Variants in AP1B1 observed in about 807,000 individuals in gnomAD.
The protein encoded by AP1B1 is adaptor related protein complex 1 subunit beta 1.
AP1B1 carries 36 observed loss-of-function variants against 104.3 expected under a neutral mutation model. That is an observed-to-expected ratio of 0.35 (90% CI 0.26 to 0.46). The LOEUF (loss-of-function observed/expected upper bound fraction) is 0.46. Ranked by LOEUF, AP1B1 falls within the 20% of genes least tolerant of loss-of-function variation. AP1B1 has a pLI of 1.00. For missense variants in AP1B1, 901 were observed against 1,247.9 expected (o/e 0.72, Z 4.19); for synonymous variants, 504 against 517.5 (o/e 0.97, Z 0.35).
intron 21 of AP1B1, 177 bp downstream of exon 21, chr22:29,330,201 T>C: frequency 6.9e-7 from 1 of 1,459,378 alleles, no homozygotes. Flanking sequence ...CTTATCTGGG[T>C]AACCTGACGG....
chr22:29,367,830 G>A (rs2062168513), intron 1 of AP1B1, among the ~76,000 whole-genome samples: 1 of 152,190 alleles, frequency 6.6e-6, no homozygotes, highest in Non-Finnish European at 1.5e-5. Context: ...AGGCTAGGGA[G>A]ACTTCTTCTC....
intron 1 of AP1B1, chr22:29,370,567 A>C (rs958150155): frequency 6.6e-6 from 1 of 152,204 alleles, no homozygotes; most frequent in African/African-American, 2.4e-5. Flanking sequence ...CAGAAGAAAA[A>C]GCCGTCAGAG....
At position 29,328,552 on chromosome 22, in the gene AP1B1, T is replaced by C. The variant is rs2061510288; in HGVS notation, c.*269A>G. On this transcript the variant is annotated 3_prime_UTR_variant, in exon 23 of 23. Coordinates refer to ENST00000357586, the MANE Select transcript of AP1B1 (RefSeq NM_001127.4). The surrounding 1 kb of genome is among the most constrained non-coding windows in gnomAD (Gnocchi z 4.1). ...ACAGCTTCTGTGGCTGCTCTGGCTC[T>C]GTTTCCTTTGGTCCCCACCTCACTT... 2.3e-6 allele frequency: 1 copy of C among 432,066 alleles called. No individual in the cohort carries two copies. Among genetic ancestry groups the C allele is most frequent in the Admixed American group, 3.7e-5 (1 of 26,896 alleles). The allele number at this position is 432,066 out of a possible 1,614,324, so 26.8% of individuals were successfully genotyped here.
intron 20 of AP1B1, 35 bp downstream of exon 20, chr22:29,330,588 G>C (rs1307358838): frequency 6.2e-7 from 1 of 1,613,422 alleles, no homozygotes; most frequent in Non-Finnish European, 8.5e-7. Flanking sequence ...CTGGGTACAG[G>C]CGAGGGGCTG....
At chr22:29,344,110 C>CAAA (rs58337637) in intron 11 of AP1B1, among the ~76,000 whole-genome samples, 4 of 89,754 alleles carry the variant, frequency 4.5e-5, no homozygotes, top group African/African-American at 1.2e-4. Context: ...GACTTTGTCT[C>CAAA]AAAAAAAAAA....
chr22:29,330,633 G>C lies in AP1B1; in HGVS notation c.2601C>G (p.Pro867=), dbSNP rs1410321617. ...GCTCGGAGTCCTCACCTGCATTGAG[G>C]GGGCAGTCTCTGATCTGGAACTGGG... is the stretch of plus-strand genomic sequence containing the variant. ...NEAQFQIRDC[P]LNAEAASSKL... is the part of the protein sequence containing the mutation. The change falls in exon 20 of 23, where the codon CCC becomes CCG. Residue 867 remains proline (P), a synonymous_variant. Coordinates refer to ENST00000357586, the MANE Select transcript of AP1B1 (RefSeq NM_001127.4). 6.2e-7 allele frequency: 1 copy of C among 1,613,920 alleles called. No homozygotes were observed. The highest frequency in any genetic ancestry group is 8.5e-7 in the Non-Finnish European group (1 of 1,180,006).
intron 17 of AP1B1, 81 bp downstream of exon 17, chr22:29,334,184 T>C: frequency 1.1e-6 from 1 of 883,368 alleles, no homozygotes; most frequent in Non-Finnish European, 1.6e-6. Flanking sequence ...CACCCCTGCC[T>C]GCAGTCCCCA....
At position 29,334,293 on chromosome 22, in the gene AP1B1, C is replaced by T. The variant is rs765302292; in HGVS notation, c.2281G>A (p.Asp761Asn). The change falls in exon 17 of 23, where the codon GAC becomes AAC. Residue 761 changes from aspartate (D) to asparagine (N), a missense_variant. Physicochemically the swap from Asp to Asn is conservative, Grantham distance 23. This residue lies in a region of AP1B1 where 424 missense variants were observed against 494.0 expected (regional missense o/e 0.86). Coordinates refer to ENST00000357586, the MANE Select transcript of AP1B1 (RefSeq NM_001127.4). ...LTNKALQVMT[D>N]FAIQFNRNSF... ...TTGCGGTTGAACTGGATGGCAAAGT[C>T]GGTCATGACCTGCAAGGCCTTGTTG... 23 of 1,604,908 alleles carry T rather than the reference C, an allele frequency of 1.4e-5. No homozygotes were observed. The East Asian group carries it at 2.9e-4, about 20-fold the overall frequency.
rs900786717 is a variant in AP1B1, at chr22:29,340,995, C to T, written c.1797-138G>A. On this transcript the variant is annotated intron_variant, in intron 13 of 22. Transcript: ENST00000357586. ...TCCCCGACAGGGCTGTCCACACGGCCCCACTTCTTCCCCATTCCCATTCCC... is the reference window on the plus strand; with the variant it reads ...TCCCCGACAGGGCTGTCCACACGGCTCCACTTCTTCCCCATTCCCATTCCC... The T allele has an allele frequency of 5.0e-6, 4 of 802,906 alleles. No homozygotes were observed. In the African/African-American group the frequency reaches 5.2e-5, roughly 10 times the overall value. 49.7% of individuals were successfully genotyped at this position (802,906 alleles called of 1,614,324 possible).
chr22:29,346,117 C>G (rs2061788909), intron 11 of AP1B1, among the ~76,000 whole-genome samples: 1 of 152,206 alleles, frequency 6.6e-6, no homozygotes, highest in South Asian at 2.1e-4. Flanking sequence ...GCACTAGAGA[C>G]AAGGAAATGG....
At chr22:29,333,876 C>A (rs193032916) in intron 17 of AP1B1, among the ~76,000 whole-genome samples, 40 of 151,928 alleles carry the variant, frequency 2.6e-4, no homozygotes, top group Admixed American at 3.3e-4. Context: ...CCAGCCTGGG[C>A]AAGATGGTGA....
intron 7 of AP1B1, 30 bp downstream of exon 7, chr22:29,354,620 G>A (rs1203099001): frequency 8.7e-6 from 14 of 1,600,802 alleles, no homozygotes; most frequent in East Asian, 2.2e-5. Context: ...CGAGGGGTAC[G>A]CATGGACGTG....
At chr22:29,376,587 A>C (rs1451769509) in intron 1 of AP1B1, among the ~76,000 whole-genome samples, 1 of 152,176 alleles carries the variant, frequency 6.6e-6, no homozygotes, top group African/African-American at 2.4e-5. Flanking sequence ...TAATGAATGA[A>C]TAGCTGTCAG....
At position 29,356,767 on chromosome 22, in the gene AP1B1, C is replaced by T. The variant is rs565109260; in HGVS notation, c.526-151G>A. ...TCTGGAGCTGCAACGAGACCCACTCCAAGCACTCACCCTGCTGACTCCTCT... is the reference window on the plus strand; with the variant it reads ...TCTGGAGCTGCAACGAGACCCACTCTAAGCACTCACCCTGCTGACTCCTCT... On this transcript the variant is annotated intron_variant, in intron 5 of 22. Transcript: ENST00000357586. The T allele has an allele frequency of 4.3e-6, 3 of 699,424 alleles. No individual in the cohort carries two copies. In the South Asian group the frequency reaches 5.7e-5, roughly 13 times the overall value. 43.3% of individuals were successfully genotyped at this position (699,424 alleles called of 1,614,324 possible). A position where few individuals can be genotyped will look rare whatever the true frequency, so the allele number is the denominator to read the frequency against.
chr22:29,373,562 C>T (rs2148036367), intron 1 of AP1B1, among the ~76,000 whole-genome samples: 1 of 152,224 alleles, frequency 6.6e-6, no homozygotes, highest in East Asian at 1.9e-4. Context: ...AGATACTGGA[C>T]ACACTGTACA....
chr22:29,366,625 G>A (rs1283842036), intron 2 of AP1B1, among the ~76,000 whole-genome samples: 2 of 152,030 alleles, frequency 1.3e-5, no homozygotes, highest in African/African-American at 2.4e-5. Flanking sequence ...GCGAAACTCC[G>A]TCTCAAAAAA....
chr22:29,351,676 C>A, intron 8 of AP1B1, 29 bp downstream of exon 8: 1 of 1,612,146 alleles, frequency 6.2e-7, no homozygotes, highest in Non-Finnish European at 8.5e-7. Flanking sequence ...CACACTGAGC[C>A]CGTGTCCTGA....
intron 18 of AP1B1, 36 bp downstream of exon 18, chr22:29,331,751 G>A (rs2147932091): frequency 6.2e-7 from 1 of 1,614,156 alleles, no homozygotes. Context: ...TGGTAGGTGA[G>A]TAAGGACTGG....
At chr22:29,351,643 G>A in intron 8 of AP1B1, 62 bp downstream of exon 8, 4 of 1,595,722 alleles carry the variant, frequency 2.5e-6, no homozygotes, top group East Asian at 2.2e-5. Flanking sequence ...AGAGCCTACA[G>A]TCTGGTGGTG....
Sources: allele counts gnomAD v4.1 joint callset (sites outside exome capture counted in the v4.1 genomes callset), GRCh38; gene constraint gnomAD v4.1.1; regional missense constraint gnomAD v4.1.1; non-coding constraint Gnocchi (gnomAD v3.1); transcripts MANE v1.5; gene names NCBI Gene and HGNC (gene_info 2026-07-23, HGNC 2026-07-21).